The following CNTNAP3B variants were observed in gnomAD, a reference collection of about 807,000 sequenced individuals.
The protein encoded by CNTNAP3B is contactin-associated protein-like 3B.
In CNTNAP3B, 25 loss-of-function variants were observed where a neutral mutation model predicts 108.9. That is an observed-to-expected ratio of 0.23 (90% CI 0.17 to 0.32). The LOEUF is 0.32. Ranked by LOEUF, CNTNAP3B falls within the 10% of genes least tolerant of loss-of-function variation. The pLI is 1.00. For synonymous variants in CNTNAP3B, 103 were observed against 473.4 expected (o/e 0.22, Z 10.16); for missense variants, 252 against 1,210.4 (o/e 0.21, Z 11.75).
chr9:42,021,918 C>T (rs1329064239), intron 3 of CNTNAP3B, among the ~76,000 whole-genome samples: 1 of 129,298 alleles, frequency 7.7e-6, no homozygotes, highest in Admixed American at 7.9e-5. Flanking sequence ...CTAGTTAACC[C>T]CCTTCTTGCC....
Position 42,115,874 on chromosome 9 carries a change from G to T in CNTNAP3B, c.86-11135C>A, listed in dbSNP as rs1364522511. ...AAGCTGGATGGAGAATGACTTTGAC[G>T]AGTTGAGAGAAGAAGGTTTCAGATG... On this transcript the variant is annotated intron_variant, in intron 1 of 23. Coordinates refer to ENST00000377561, the MANE Select transcript of CNTNAP3B (RefSeq NM_001201380.3). Among the ~76,000 whole-genome samples, 6 of 124,548 alleles carry T rather than the reference G, an allele frequency of 4.8e-5. 2 individuals carry two copies. The highest frequency in any genetic ancestry group is 3.3e-4 in the Admixed American group (4 of 12,130). 81.7% of individuals were successfully genotyped at this position (124,548 alleles called of 152,430 possible).
chr9:41,934,184 CACACAT>C (rs1390489303), intron 14 of CNTNAP3B, among the ~76,000 whole-genome samples: 1 of 83,076 alleles, frequency 1.2e-5, no homozygotes, highest in African/African-American at 4.5e-5. Flanking sequence ...TATACACACA[CACACAT>C]ATATATATAC....
At chr9:41,923,745 C>G in intron 16 of CNTNAP3B, 178 bp downstream of exon 16, 2 of 1,239,340 alleles carry the variant, frequency 1.6e-6, no homozygotes, top group African/African-American at 1.6e-5. Flanking sequence ...ATGAGTGACA[C>G]AGCAAAATCC....
At chr9:42,116,020 C>A (rs1187975568) in intron 1 of CNTNAP3B, among the ~76,000 whole-genome samples, 2 of 138,956 alleles carry the variant, frequency 1.4e-5, no homozygotes, top group Non-Finnish European at 3.1e-5. Flanking sequence ...TAGAGAAGAC[C>A]TTAAATGACC....
intron 1 of CNTNAP3B, among the ~76,000 whole-genome samples, chr9:42,120,411 G>T (rs1828434136): frequency 7.2e-6 from 1 of 138,666 alleles, no homozygotes; most frequent in Non-Finnish European, 1.5e-5. Context: ...GGAAGTCAGT[G>T]TGGCAATTCC....
chr9:41,939,708 T>A (rs1438213155), intron 13 of CNTNAP3B, among the ~76,000 whole-genome samples: 1 of 152,278 alleles, frequency 6.6e-6, no homozygotes, highest in Non-Finnish European at 1.5e-5. Context: ...ACTCATTATA[T>A]CCTAATGTAC....
rs1444927528 is a variant in CNTNAP3B, at chr9:42,095,889, T to A, written c.196+8740A>T. Among the ~76,000 whole-genome samples the A allele has an allele frequency of 1.5e-5, 2 of 137,550 alleles. 1 individual carries two copies. 90.2% of individuals were successfully genotyped at this position (137,550 alleles called of 152,430 possible). A position where few individuals can be genotyped will look rare whatever the true frequency, so the allele number is the denominator to read the frequency against. ...AGTGTGTTCAAGCCCCAAGTAGAGG[T>A]CAGCACTGCACTGTCCTCAGGGATG... On this transcript the variant is annotated intron_variant, in intron 2 of 23. Transcript: ENST00000377561.
At position 42,115,053 on chromosome 9, in the gene CNTNAP3B, C is replaced by T. The variant is rs1186207108; in HGVS notation, c.86-10314G>A. On this transcript the variant is annotated intron_variant, in intron 1 of 23. Transcript: ENST00000377561. Reference sequence around the variant, plus strand: ...TAGGTGACAGAGCAAGACTCCATATCGGAAAAAAAAAAGAAATACTTACAA... The same window carrying T: ...TAGGTGACAGAGCAAGACTCCATATTGGAAAAAAAAAAGAAATACTTACAA... Among the ~76,000 whole-genome samples the T allele has an allele frequency of 3.0e-4, 39 of 131,088 alleles. 8 individuals are homozygous for T. The highest frequency in any genetic ancestry group is 1.0e-3 in the African/African-American group (33 of 32,210). The allele number at this position is 131,088 out of a possible 152,430, so 86.0% of individuals were successfully genotyped here. A position where few individuals can be genotyped will look rare whatever the true frequency, so the allele number is the denominator to read the frequency against.
intron 1 of CNTNAP3B, among the ~76,000 whole-genome samples, chr9:42,106,423 T>C (rs1828090358): frequency 9.7e-6 from 1 of 103,074 alleles, no homozygotes; most frequent in Admixed American, 1.0e-4. Flanking sequence ...AAATTGCATT[T>C]AACATCTTTA....
At chr9:42,095,986 A>G (rs1350144735) in intron 2 of CNTNAP3B, among the ~76,000 whole-genome samples, 1 of 137,942 alleles carries the variant, frequency 7.2e-6, no homozygotes, top group Non-Finnish European at 1.5e-5. Flanking sequence ...CGTTTTGGTG[A>G]CCCTTTCTCC....
chr9:42,056,627 G>T lies in CNTNAP3B; in HGVS notation c.390+20242C>A, dbSNP rs1212371807. Among the ~76,000 whole-genome samples the T allele has an allele frequency of 1.5e-5, 2 of 137,926 alleles. 1 individual carries two copies. Among genetic ancestry groups the T allele is most frequent in the Non-Finnish European group, 3.1e-5 (2 of 64,656 alleles). 90.5% of individuals were successfully genotyped at this position (137,926 alleles called of 152,430 possible). A position where few individuals can be genotyped will look rare whatever the true frequency, so the allele number is the denominator to read the frequency against. On this transcript the variant is annotated intron_variant, in intron 3 of 23. Coordinates refer to ENST00000377561, the MANE Select transcript of CNTNAP3B (RefSeq NM_001201380.3). ...GGCCTTCCAAAGTGCTGGGATTACG[G>T]GTGTGAGCCACCGCGCCAAGCATTA...
intron 6 of CNTNAP3B, among the ~76,000 whole-genome samples, 174 bp downstream of exon 6, chr9:41,997,394 A>T (rs62554985): frequency 6.8e-3 from 1,029 of 151,800 alleles, no homozygotes; most frequent in Non-Finnish European, 0.011. Context: ...GGAAAAGATG[A>T]TCTATTATAA....
chr9:41,922,538 A>T, intron 17 of CNTNAP3B, 139 bp downstream of exon 17: 2 of 991,838 alleles, frequency 2.0e-6, no homozygotes, highest in East Asian at 5.2e-5. Context: ...AGCTCCTGGA[A>T]CCTACCAGGT....
At chr9:41,968,071 AG>A (rs1183764395) in intron 10 of CNTNAP3B, among the ~76,000 whole-genome samples, 1 of 152,254 alleles carries the variant, frequency 6.6e-6, no homozygotes, top group Admixed American at 6.5e-5. Context: ...TAAAAACAAT[AG>A]TTTTGTACTT....
chr9:41,963,140 A>G (rs1477367225), intron 11 of CNTNAP3B, among the ~76,000 whole-genome samples: 1 of 152,298 alleles, frequency 6.6e-6, no homozygotes, highest in Non-Finnish European at 1.5e-5. Flanking sequence ...CATTGCATGT[A>G]TGAAGTGTGG....
chr9:42,035,447 T>C (rs1826604137), intron 3 of CNTNAP3B, among the ~76,000 whole-genome samples: 2 of 146,096 alleles, frequency 1.4e-5, no homozygotes, highest in Non-Finnish European at 1.5e-5. Context: ...TATTTTAAGA[T>C]AAAATCACTC....
At chr9:42,118,782 G>A (rs1376304141) in intron 1 of CNTNAP3B, among the ~76,000 whole-genome samples, 2 of 110,820 alleles carry the variant, frequency 1.8e-5, no homozygotes, top group East Asian at 2.9e-4. Flanking sequence ...AAACCCCATC[G>A]TCTCAGCCCA....
At chr9:41,954,585 TGTACTCACC>T (rs1824798640) in intron 12 of CNTNAP3B, among the ~76,000 whole-genome samples, 1 of 152,296 alleles carries the variant, frequency 6.6e-6, no homozygotes, top group Admixed American at 6.5e-5. Context: ...CTCCACTCAC[TGTACTCACC>T]AAAGGAGGCT....
chr9:42,112,751 CA>C lies in CNTNAP3B; in HGVS notation c.86-8013del, dbSNP rs779156955. Among the ~76,000 whole-genome samples, 49 of 136,674 alleles carry C rather than the reference CA, an allele frequency of 3.6e-4. 9 individuals are homozygous for C. Among genetic ancestry groups the C allele is most frequent in the Non-Finnish European group, 5.4e-4 (35 of 64,412 alleles). The allele number at this position is 136,674 out of a possible 152,430, so 89.7% of individuals were successfully genotyped here. On this transcript the variant is annotated intron_variant, in intron 1 of 23. Transcript: ENST00000377561. ...TGTTTTCAAATGACTTACAGCACTA[CA>C]AATATAAAGTTATAACAACAGTATA...
Sources: allele counts gnomAD v4.1 joint callset (sites outside exome capture counted in the v4.1 genomes callset), GRCh38; gene constraint gnomAD v4.1.1; transcripts MANE v1.5; gene names NCBI Gene and HGNC (gene_info 2026-07-23, HGNC 2026-07-21).